PDE11A: variants seen among roughly 807,000 people sequenced by gnomAD.
PDE11A encodes dual 3',5'-cyclic-AMP and -GMP phosphodiesterase 11A.
PDE11A carries 100 observed loss-of-function variants against 100.5 expected under a neutral mutation model. The observed-to-expected ratio is 1.00, with a 90% CI of 0.85 to 1.18. The LOEUF (loss-of-function observed/expected upper bound fraction) is 1.18, where lower values mean the gene tolerates loss of function less well. PDE11A is among the 50% of genes most tolerant of loss of function. PDE11A has a pLI of 0.00. For missense variants in PDE11A, 1,141 were observed against 1,152.6 expected (o/e 0.99, Z 0.15); for synonymous variants, 381 against 420.8 (o/e 0.91, Z 1.16).
chr2:177,832,304 T>C (rs1220268446), intron 6 of PDE11A, among the ~76,000 whole-genome samples: 2 of 152,174 alleles, frequency 1.3e-5, no homozygotes, highest in African/African-American at 4.8e-5. Context: ...CCACCCTTAA[T>C]CTGGGTAGGC....
At position 178,105,533 on chromosome 2, in the gene PDE11A, T is replaced by C. The variant is rs372397551; in HGVS notation, c.-13-1057A>G. Reference sequence around the variant, plus strand: ...AAAATAAATTTTTTACAAAGATATTTTGGTTGAGACTGTTAAAAATTCTAT... The same window carrying C: ...AAAATAAATTTTTTACAAAGATATTCTGGTTGAGACTGTTAAAAATTCTAT... On this transcript the variant is annotated intron_variant, in intron 1 of 20. Transcript: ENST00000358450. 435 of 288,476 alleles carry C rather than the reference T, an allele frequency of 1.5e-3. 3 individuals carry two copies. Among genetic ancestry groups the C allele is most frequent in the African/African-American group, 8.5e-3 (387 of 45,380 alleles). 17.9% of individuals were successfully genotyped at this position (288,476 alleles called of 1,614,324 possible). A position where few individuals can be genotyped will look rare whatever the true frequency, so the allele number is the denominator to read the frequency against.
intron 1 of PDE11A, among the ~76,000 whole-genome samples, chr2:178,064,843 CCT>C (rs1491182944): frequency 6.6e-6 from 1 of 151,730 alleles, no homozygotes; most frequent in Non-Finnish European, 1.5e-5. Flanking sequence ...ATAGGTTTCC[CCT>C]TTTTTTTTCT....
At chr2:177,838,816 T>G (rs1250734395) in intron 6 of PDE11A, among the ~76,000 whole-genome samples, 2 of 152,262 alleles carry the variant, frequency 1.3e-5, no homozygotes, top group East Asian at 3.8e-4. Flanking sequence ...AGTAGTGTTC[T>G]ACCTTACCAG....
intron 1 of PDE11A, among the ~76,000 whole-genome samples, chr2:178,040,558 G>A (rs2086671072): frequency 6.6e-6 from 1 of 152,124 alleles, no homozygotes; most frequent in African/African-American, 2.4e-5. Flanking sequence ...TTTTGAATGC[G>A]CAGAGTTCTT....
intron 5 of PDE11A, among the ~76,000 whole-genome samples, chr2:177,850,862 C>T (rs6717814): frequency 0.54 from 82,419 of 151,510 alleles, 24,417 homozygotes; most frequent in East Asian, 0.74. Context: ...GTTAGAATGG[C>T]AATCATTAAA....
chr2:177,919,305 A>G (rs6740251), intron 2 of PDE11A, among the ~76,000 whole-genome samples: 12,686 of 151,388 alleles, frequency 0.084, 499 homozygotes, highest in South Asian at 0.095. Flanking sequence ...CACCATATTG[A>G]CCAGGCTGGT....
At chr2:177,657,433 T>C (rs1223972672) in intron 19 of PDE11A, among the ~76,000 whole-genome samples, 1 of 152,184 alleles carries the variant, frequency 6.6e-6, no homozygotes, top group Non-Finnish European at 1.5e-5. Flanking sequence ...ATAGCCCTAC[T>C]TGTAGCTTTG....
At chr2:178,094,976 G>A (rs906024752) in intron 2 of PDE11A, among the ~76,000 whole-genome samples, 4 of 152,244 alleles carry the variant, frequency 2.6e-5, no homozygotes, top group Admixed American at 6.5e-5. Context: ...CCCTCCACAC[G>A]TGGAGATTAT....
intron 2 of PDE11A, among the ~76,000 whole-genome samples, chr2:178,082,814 C>T (rs1047176567): frequency 2.0e-5 from 3 of 152,086 alleles, no homozygotes; most frequent in African/African-American, 7.2e-5. Context: ...ACTCCATGGT[C>T]GGTGGGGCAG....
chr2:177,867,962 C>T (rs1382571388), intron 5 of PDE11A, among the ~76,000 whole-genome samples: 1 of 152,112 alleles, frequency 6.6e-6, no homozygotes, highest in African/African-American at 2.4e-5. Context: ...TGGTTTGCCT[C>T]ACTAGAGCTA....
chr2:177,962,034 G>A (rs940836737), intron 2 of PDE11A, among the ~76,000 whole-genome samples: 19 of 140,208 alleles, frequency 1.4e-4, no homozygotes, highest in African/African-American at 4.9e-4. Context: ...TCCAGCCTGG[G>A]TGACAGAGTG....
intron 2 of PDE11A, among the ~76,000 whole-genome samples, chr2:177,942,410 T>TG (rs771972065): frequency 6.6e-6 from 1 of 151,810 alleles, no homozygotes; most frequent in Non-Finnish European, 1.5e-5. Flanking sequence ...AAAATTATTT[T>TG]TTTTTTTTTG....
intron 2 of PDE11A, among the ~76,000 whole-genome samples, chr2:178,006,115 A>G (rs2086207431): frequency 6.6e-6 from 1 of 152,188 alleles, no homozygotes; most frequent in East Asian, 1.9e-4. Flanking sequence ...ATTTTGTTCA[A>G]TTATTGTGTT....
Position 178,015,141 on chromosome 2 carries a change from T to G in PDE11A, c.913-681A>C, listed in dbSNP as rs578162322. Among the ~76,000 whole-genome samples the G allele has an allele frequency of 7.2e-5, 11 of 152,298 alleles. No homozygotes were observed. The South Asian group carries it at 2.3e-3, about 32-fold the overall frequency. On this transcript the variant is annotated intron_variant, in intron 1 of 19. Coordinates refer to ENST00000286063, the MANE Select transcript of PDE11A (RefSeq NM_016953.4). ...TCAAAGTGCCACACCCAAAGATTCC[T>G]TATTACAAAGGTAAAAGGTGTCTTT...
At chr2:177,709,175 G>A (rs1322436944) in intron 13 of PDE11A, among the ~76,000 whole-genome samples, 1 of 152,204 alleles carries the variant, frequency 6.6e-6, no homozygotes, top group African/African-American at 2.4e-5. Context: ...GCCCGAAGGG[G>A]CTAAGCTAAG....
chr2:177,798,070 T>C (rs184045011), intron 9 of PDE11A, among the ~76,000 whole-genome samples: 7 of 152,304 alleles, frequency 4.6e-5, no homozygotes, highest in Non-Finnish European at 8.8e-5. Flanking sequence ...CCTGTCTGCA[T>C]TGAGGTGCTT....
intron 9 of PDE11A, among the ~76,000 whole-genome samples, chr2:177,787,851 A>G (rs2105529085): frequency 6.6e-6 from 1 of 152,316 alleles, no homozygotes; most frequent in East Asian, 1.9e-4. Context: ...TCCTAAATAT[A>G]TATGCACCCA....
At chr2:177,770,249 C>T (rs898213341) in intron 9 of PDE11A, among the ~76,000 whole-genome samples, 1 of 152,208 alleles carries the variant, frequency 6.6e-6, no homozygotes, top group African/African-American at 2.4e-5. Context: ...GTTCTGCCAC[C>T]TCCTTTTTCC....
intron 2 of PDE11A, among the ~76,000 whole-genome samples, chr2:177,989,519 C>T (rs772763567): frequency 1.2e-4 from 19 of 152,152 alleles, no homozygotes; most frequent in Admixed American, 6.5e-5. Context: ...GAAATGACTC[C>T]ACTCACTGAC....
Sources: gnomAD v4.1 joint callset for allele counts (sites outside exome capture counted in the v4.1 genomes callset) on GRCh38, gnomAD v4.1.1 for gene constraint, MANE v1.5 for transcripts, NCBI Gene and HGNC (gene_info 2026-07-23, HGNC 2026-07-21) for gene names.